Variants in TMTC2 observed in about 807,000 individuals in gnomAD.
TMTC2 encodes protein O-mannosyl-transferase TMTC2.
In TMTC2, 43 loss-of-function variants were observed where a neutral mutation model predicts 82.4. The ratio of observed to expected loss-of-function variants is 0.52; its 90% CI spans 0.41 to 0.67. The LOEUF is 0.67. Ranked by LOEUF, TMTC2 falls within the 30% of genes least tolerant of loss-of-function variation. TMTC2 has a pLI of 0.00. For missense variants in TMTC2, 919 were observed against 1,012.4 expected (o/e 0.91, Z 1.25); for synonymous variants, 408 against 381.9 (o/e 1.07, Z -0.80).
chr12:82,954,101 G>GT (rs1457586320), intron 4 of TMTC2, among the ~76,000 whole-genome samples: 1 of 151,986 alleles, frequency 6.6e-6, no homozygotes, highest in African/African-American at 2.4e-5. Flanking sequence ...ATTTGTCTTA[G>GT]TTTTTTAGTT....
At chr12:82,928,176 A>G (rs1875829641) in intron 3 of TMTC2, among the ~76,000 whole-genome samples, 1 of 152,008 alleles carries the variant, frequency 6.6e-6, no homozygotes, top group Non-Finnish European at 1.5e-5. Flanking sequence ...AATCATCTAT[A>G]TTCTAAGACT....
chr12:82,912,958 A>T, intron 3 of TMTC2, among the ~76,000 whole-genome samples: 1 of 138,888 alleles, frequency 7.2e-6, no homozygotes, highest in East Asian at 2.2e-4. Flanking sequence ...AAAAAAAAGA[A>T]TGGGTGGTAA....
At chr12:83,040,679 CTTTTTTTTTTTT>C (rs750327519) in intron 9 of TMTC2, among the ~76,000 whole-genome samples, 23 of 124,208 alleles carry the variant, frequency 1.9e-4, no homozygotes, top group Non-Finnish European at 3.0e-4. Context: ...CTGTCCTTTT[CTTTTTTTTTTTT>C]TTTTTTTCTT....
At chr12:83,106,448 G>A (rs1022927916) in intron 11 of TMTC2, among the ~76,000 whole-genome samples, 4 of 145,514 alleles carry the variant, frequency 2.7e-5, no homozygotes, top group Non-Finnish European at 5.9e-5. Context: ...GCAGTGAGCC[G>A]AGATCACGCC....
intron 1 of TMTC2, among the ~76,000 whole-genome samples, chr12:82,738,098 C>G (rs910464920): frequency 6.6e-6 from 1 of 152,112 alleles, no homozygotes; most frequent in Non-Finnish European, 1.5e-5. Context: ...CCAGTTGTTC[C>G]AAGGTAAACA....
Position 83,132,654 on chromosome 12 carries a change from G to T in TMTC2, c.*265G>T, listed in dbSNP as rs1167761629. On this transcript the variant is annotated 3_prime_UTR_variant, in exon 12 of 12. Transcript: ENST00000321196. ...AGAGCACTTAAAACAGAACCTTTTG[G>T]CATTCTTAAAAAGGGAGGGGTGGGT... is the stretch of plus-strand genomic sequence containing the variant. 3 of 369,018 alleles carry T rather than the reference G, an allele frequency of 8.1e-6. No individual in the cohort carries two copies. Among genetic ancestry groups the T allele is most frequent in the South Asian group, 1.1e-4 (2 of 17,444 alleles). The allele number at this position is 369,018 out of a possible 1,614,324, so 22.9% of individuals were successfully genotyped here.
In TMTC2 at chr12:82,848,994, T is replaced by G. The variant is rs113436175; in HGVS notation, c.84-8016T>G. ...AGCATAGAGGAAGGGAAGTTTGGCT[T>G]AAATTAGCATGCGTATGGAGAAGTG... On this transcript the variant is annotated intron_variant, in intron 1 of 11. Transcript: ENST00000321196. 4.6e-3 allele frequency among the ~76,000 whole-genome samples: 694 copies of G among 152,166 alleles called. 10 individuals carry two copies. Among genetic ancestry groups the G allele is most frequent in the African/African-American group, 0.016 (664 of 41,466 alleles).
intron 1 of TMTC2, among the ~76,000 whole-genome samples, chr12:82,840,032 C>T (rs1870249935): frequency 6.6e-6 from 1 of 152,102 alleles, no homozygotes; most frequent in African/African-American, 2.4e-5. Context: ...TAAATGATAC[C>T]AGTAACTGCA....
chr12:83,000,139 C>T (rs1879849990), intron 8 of TMTC2, among the ~76,000 whole-genome samples: 1 of 58,094 alleles, frequency 1.7e-5, no homozygotes, highest in Non-Finnish European at 5.0e-5. Context: ...TGGGGGCAGT[C>T]AATTTTTTTT....
intron 3 of TMTC2, among the ~76,000 whole-genome samples, chr12:82,918,201 G>C (rs1054192183): frequency 6.6e-6 from 1 of 152,142 alleles, no homozygotes; most frequent in African/African-American, 2.4e-5. Context: ...GAGCCACTGC[G>C]CCTGGCCAAA....
chr12:82,706,832 T>C (rs1050516999), intron 1 of TMTC2, among the ~76,000 whole-genome samples: 4 of 151,828 alleles, frequency 2.6e-5, no homozygotes, highest in African/African-American at 9.7e-5. Context: ...CACTTTTGGG[T>C]GAAGGGAGAT....
intron 1 of TMTC2, among the ~76,000 whole-genome samples, chr12:82,799,154 T>C (rs533018847): frequency 6.6e-6 from 1 of 152,142 alleles, no homozygotes; most frequent in Non-Finnish European, 1.5e-5. Context: ...AGAATTCTTA[T>C]GCTCATGATA....
chr12:82,982,462 G>A (rs1392754998), intron 7 of TMTC2, among the ~76,000 whole-genome samples: 1 of 146,854 alleles, frequency 6.8e-6, no homozygotes, highest in Non-Finnish European at 1.5e-5. Context: ...TGCATTTTAG[G>A]TTTTGCATCT....
At position 82,690,354 on chromosome 12, in the gene TMTC2, A is replaced by G. The variant is rs941790674; in HGVS notation, c.83+2685A>G. ...TTCTGTAAGGAGAGGCCAGTGCCAG[A>G]AGTGAAGGGAGAAGCACTCAAGGGA... On this transcript the variant is annotated intron_variant, in intron 1 of 11. Transcript: ENST00000321196. 8 of 985,280 alleles carry G rather than the reference A, an allele frequency of 8.1e-6. No individual in the cohort carries two copies. The East Asian group carries it at 7.9e-4, about 98-fold the overall frequency. The allele number at this position is 985,280 out of a possible 1,614,324, so 61.0% of individuals were successfully genotyped here.
intron 1 of TMTC2, among the ~76,000 whole-genome samples, chr12:82,706,345 A>T (rs1873356212): frequency 1.4e-5 from 2 of 144,708 alleles, no homozygotes; most frequent in Admixed American, 6.9e-5. Flanking sequence ...AAAAAAAAGG[A>T]TGAGAGAGAG....
intron 7 of TMTC2, among the ~76,000 whole-genome samples, chr12:82,979,830 C>T (rs1221322033): frequency 6.6e-6 from 1 of 151,738 alleles, no homozygotes; most frequent in Non-Finnish European, 1.5e-5. Flanking sequence ...GTCTATTTCT[C>T]CTTCATGTTT....
intron 8 of TMTC2, among the ~76,000 whole-genome samples, chr12:83,005,157 T>C (rs1339718913): frequency 6.8e-6 from 1 of 147,600 alleles, no homozygotes; most frequent in Non-Finnish European, 1.5e-5. Flanking sequence ...TGAGCCCAGA[T>C]TGCACCATTG....
At chr12:83,004,931 C>G (rs1490843094) in intron 8 of TMTC2, among the ~76,000 whole-genome samples, 1 of 150,884 alleles carries the variant, frequency 6.6e-6, no homozygotes, top group African/African-American at 2.4e-5. Context: ...GAGGGCGGAT[C>G]ACTTGAGGTC....
intron 1 of TMTC2, among the ~76,000 whole-genome samples, chr12:82,855,030 T>TA (rs1433183385): frequency 6.6e-6 from 1 of 152,202 alleles, no homozygotes; most frequent in Non-Finnish European, 1.5e-5. Context: ...CATGTATATG[T>TA]AAAGCACTGT....
Sources: allele counts gnomAD v4.1 joint callset (sites outside exome capture counted in the v4.1 genomes callset), GRCh38; gene constraint gnomAD v4.1.1; transcripts MANE v1.5; gene names NCBI Gene and HGNC (gene_info 2026-07-23, HGNC 2026-07-21).